Variants in ERBB4 observed in about 807,000 individuals in gnomAD.
ERBB4 encodes the protein receptor tyrosine-protein kinase erbB-4.
Under a neutral mutation model 158.0 loss-of-function variants are expected in ERBB4, and 42 were observed. That is an observed-to-expected ratio of 0.27 (90% CI 0.21 to 0.34). ERBB4 has a LOEUF of 0.34. ERBB4 is among the 10% of genes least tolerant of loss of function. The pLI, the probability that ERBB4 is intolerant of heterozygous loss-of-function variation, is 1.00. For synonymous variants in ERBB4, 583 were observed against 558.7 expected, an observed-to-expected ratio of 1.04 and a Z score of -0.61; for missense variants, 1,333 against 1,624.1, an observed-to-expected ratio of 0.82 and a Z score of 3.08.
At chr2:212,264,771 A>T (rs367933472) in intron 1 of ERBB4, among the ~76,000 whole-genome samples, 6 of 152,290 alleles carry the variant, frequency 3.9e-5, no homozygotes, top group Admixed American at 6.5e-5. Context: ...GAAAAGGTTC[A>T]CATTTAAATC....
chr2:212,064,057 G>T (rs574623591), intron 2 of ERBB4, among the ~76,000 whole-genome samples: 22 of 149,670 alleles, frequency 1.5e-4, no homozygotes, highest in South Asian at 6.3e-4. Flanking sequence ...ATCTTTCCCT[G>T]CCTGGAGAAC....
intron 1 of ERBB4, among the ~76,000 whole-genome samples, chr2:212,528,410 T>C (rs1692568606): frequency 6.6e-6 from 1 of 152,116 alleles, no homozygotes; most frequent in Admixed American, 6.5e-5. Context: ...TACATACTAC[T>C]TCGTATCTCT....
At chr2:212,084,343 G>T (rs902432992) in intron 2 of ERBB4, among the ~76,000 whole-genome samples, 1 of 151,930 alleles carries the variant, frequency 6.6e-6, no homozygotes, top group Non-Finnish European at 1.5e-5. Context: ...GCATCAGACA[G>T]CCATGAGCAA....
intron 20 of ERBB4, among the ~76,000 whole-genome samples, chr2:211,435,938 G>A (rs2063842711): frequency 6.8e-6 from 1 of 146,804 alleles, no homozygotes; most frequent in Admixed American, 6.9e-5. Flanking sequence ...AATGAACATA[G>A]TGGTCATACA....
chr2:211,586,202 G>T (rs188277223), intron 19 of ERBB4, among the ~76,000 whole-genome samples: 358 of 152,138 alleles, frequency 2.4e-3, no homozygotes, highest in Middle Eastern at 6.8e-3. Flanking sequence ...TGTAAACATA[G>T]TTATGCACAT....
intron 4 of ERBB4, among the ~76,000 whole-genome samples, chr2:211,775,079 T>C (rs530703457): frequency 4.6e-5 from 7 of 152,316 alleles, no homozygotes; most frequent in African/African-American, 1.7e-4. Context: ...AAAAGAGTTG[T>C]CCCTCTCTAG....
chr2:212,259,690 C>T (rs541210876), intron 1 of ERBB4, among the ~76,000 whole-genome samples: 270 of 152,216 alleles, frequency 1.8e-3, no homozygotes, highest in African/African-American at 6.1e-3. Context: ...TTCAATTATA[C>T]AAGAGTAATA....
intron 1 of ERBB4, among the ~76,000 whole-genome samples, chr2:212,175,760 C>T (rs1260218189): frequency 6.6e-6 from 1 of 151,708 alleles, no homozygotes; most frequent in East Asian, 1.9e-4. Flanking sequence ...AAAATTGAGG[C>T]TCATAATAAA....
At chr2:212,108,222 A>T (rs1397061736) in intron 2 of ERBB4, among the ~76,000 whole-genome samples, 1 of 152,116 alleles carries the variant, frequency 6.6e-6, no homozygotes, top group Non-Finnish European at 1.5e-5. Flanking sequence ...ACAATAGGAG[A>T]TTTATATGTA....
intron 2 of ERBB4, among the ~76,000 whole-genome samples, chr2:211,947,924 G>C (rs972054312): frequency 6.6e-6 from 1 of 152,088 alleles, no homozygotes; most frequent in Non-Finnish European, 1.5e-5. Context: ...TAAAGGTCTT[G>C]CTTATCAACA....
chr2:212,028,039 G>A (rs948261049), intron 2 of ERBB4, among the ~76,000 whole-genome samples: 10 of 152,008 alleles, frequency 6.6e-5, no homozygotes, highest in African/African-American at 2.4e-4. Flanking sequence ...AGGAAATGAA[G>A]GAAGTTGCCA....
intron 3 of ERBB4, among the ~76,000 whole-genome samples, chr2:211,826,592 A>G (rs1341724001): frequency 2.0e-5 from 3 of 151,852 alleles, no homozygotes; most frequent in African/African-American, 7.2e-5. Context: ...CTGGCTCCCA[A>G]GGACCTAGAA....
At chr2:211,826,044 G>T (rs2077093706) in intron 3 of ERBB4, among the ~76,000 whole-genome samples, 1 of 151,336 alleles carries the variant, frequency 6.6e-6, no homozygotes, top group Admixed American at 6.6e-5. Context: ...CTAATCCCAA[G>T]AAGACATGGA....
At chr2:211,685,139 T>C (rs1197214532) in intron 12 of ERBB4, among the ~76,000 whole-genome samples, 1 of 152,260 alleles carries the variant, frequency 6.6e-6, no homozygotes, top group Non-Finnish European at 1.5e-5. Flanking sequence ...TTTGATGAAG[T>C]TGAATTTATC....
rs373369981 is a variant in ERBB4, at chr2:212,063,708, C to T, written c.234+61044G>A. Among the ~76,000 whole-genome samples, 410 of 151,982 alleles carry T rather than the reference C, an allele frequency of 2.7e-3. 1 individual carries two copies. The highest frequency in any genetic ancestry group is 9.4e-3 in the African/African-American group (389 of 41,464). ...TTAAAACAAAACCTAATAAAATCAA[C>T]GAAATAAACAAAAAGCCATAAATAG... On this transcript the variant is annotated intron_variant, in intron 2 of 27. Transcript: ENST00000342788.
intron 20 of ERBB4, among the ~76,000 whole-genome samples, chr2:211,537,059 C>T (rs576531661): frequency 7.4e-6 from 1 of 136,034 alleles, no homozygotes; most frequent in African/African-American, 2.5e-5. Context: ...AATATTCAAA[C>T]AAAGTAAGAG....
At chr2:212,081,339 T>C (rs1394853123) in intron 2 of ERBB4, among the ~76,000 whole-genome samples, 1 of 152,088 alleles carries the variant, frequency 6.6e-6, no homozygotes, top group Non-Finnish European at 1.5e-5. Flanking sequence ...TTCTGCAATG[T>C]TTATATGACA....
At chr2:211,461,914 CAAA>C (rs961079596) in intron 20 of ERBB4, among the ~76,000 whole-genome samples, 1 of 150,724 alleles carries the variant, frequency 6.6e-6, no homozygotes, top group Non-Finnish European at 1.5e-5. Flanking sequence ...AAAACAACAA[CAAA>C]AAAAAACTCT....
At chr2:212,198,052 T>A (rs2082482814) in intron 1 of ERBB4, among the ~76,000 whole-genome samples, 1 of 152,152 alleles carries the variant, frequency 6.6e-6, no homozygotes, top group Non-Finnish European at 1.5e-5. Context: ...ATACATAATA[T>A]GCCGTAATGT....
Sources: allele counts gnomAD v4.1 joint callset (sites outside exome capture counted in the v4.1 genomes callset), GRCh38; gene constraint gnomAD v4.1.1; transcripts MANE v1.5; gene names NCBI Gene and HGNC (gene_info 2026-07-23, HGNC 2026-07-21).